The following ARNT2 variants were observed in gnomAD, a reference collection of about 807,000 sequenced individuals.
The protein encoded by ARNT2 is ARNT protein 2.
ARNT2 carries 36 observed loss-of-function variants against 91.7 expected under a neutral mutation model. The ratio of observed to expected loss-of-function variants is 0.39; its 90% confidence interval spans 0.30 to 0.52. The LOEUF (loss-of-function observed/expected upper bound fraction) is 0.52, where lower values mean the gene tolerates loss of function less well. Among genes scored for constraint, ARNT2 ranks in the 20% least tolerant of loss-of-function variants. The probability of loss-of-function intolerance (pLI) is 0.72; values close to 1 mark genes in which losing one functional copy is unlikely to be tolerated. For synonymous variants in ARNT2, 365 were observed against 347.1 expected (o/e 1.05, Z -0.57); for missense variants, 775 against 939.3 (o/e 0.83, Z 2.29).
intron 16 of ARNT2, among the ~76,000 whole-genome samples, chr15:80,580,890 C>A (rs1011901552): frequency 6.6e-6 from 1 of 152,116 alleles, no homozygotes; most frequent in Non-Finnish European, 1.5e-5. Context: ...ACCACCAACC[C>A]TTGTGACATC....
At chr15:80,519,956 C>G (rs1199916930) in intron 8 of ARNT2, among the ~76,000 whole-genome samples, 1 of 150,346 alleles carries the variant, frequency 6.7e-6, no homozygotes, top group Non-Finnish European at 1.5e-5. Flanking sequence ...CTTTGGCCTC[C>G]CAAAGTGCTG....
At chr15:80,551,395 C>T (rs749334776) in intron 9 of ARNT2, 120 bp downstream of exon 9, 23 of 931,708 alleles carry the variant, frequency 2.5e-5, no homozygotes, top group African/African-American at 4.9e-5. Flanking sequence ...TGTTGGGTTT[C>T]GTGTCTCACT....
At chr15:80,495,285 T>C (rs1897111159) in intron 5 of ARNT2, among the ~76,000 whole-genome samples, 1 of 152,176 alleles carries the variant, frequency 6.6e-6, no homozygotes, top group Non-Finnish European at 1.5e-5. Flanking sequence ...CAGTGAACAT[T>C]ATTGTTGCTG....
intron 1 of ARNT2, among the ~76,000 whole-genome samples, chr15:80,440,502 G>A (rs957318835): frequency 6.6e-6 from 1 of 152,148 alleles, no homozygotes; most frequent in Non-Finnish European, 1.5e-5. Flanking sequence ...TAGTGGGTTC[G>A]GACACTAGTG....
At chr15:80,463,342 G>T (rs1368560965) in intron 3 of ARNT2, among the ~76,000 whole-genome samples, 1 of 151,692 alleles carries the variant, frequency 6.6e-6, no homozygotes, top group Non-Finnish European at 1.5e-5. Context: ...GCCAAGAGGA[G>T]CCCTTCCAAA....
chr15:80,490,741 T>A (rs1897044533), intron 5 of ARNT2, among the ~76,000 whole-genome samples: 1 of 152,232 alleles, frequency 6.6e-6, no homozygotes, highest in African/African-American at 2.4e-5. Flanking sequence ...AAATTGCATA[T>A]CTTAGTTTAA....
chr15:80,574,977 G>A lies in ARNT2; in HGVS notation c.1390-10G>A, dbSNP rs2141476548. On this transcript the variant is annotated splice_polypyrimidine_tract_variant and intron_variant, in intron 13 of 18. Coordinates refer to ENST00000303329, the MANE Select transcript of ARNT2 (RefSeq NM_014862.4). ...GAGTTGCTGTTGTGTTTTATTTAAT[G>A]TGCAAATAGGTCCCCGTCCCCAACC... 1 of 1,613,534 alleles carries A rather than the reference G, an allele frequency of 6.2e-7. No homozygotes were observed. Among genetic ancestry groups the A allele is most frequent in the East Asian group, 2.2e-5 (1 of 44,850 alleles).
chr15:80,500,531 C>T (rs983198107), intron 5 of ARNT2, among the ~76,000 whole-genome samples: 1 of 152,076 alleles, frequency 6.6e-6, no homozygotes, highest in Non-Finnish European at 1.5e-5. Flanking sequence ...GTGCACAAAG[C>T]CTTCTTTTGT....
intron 1 of ARNT2, among the ~76,000 whole-genome samples, chr15:80,408,616 G>T (rs928598525): frequency 6.6e-6 from 1 of 152,166 alleles, no homozygotes; most frequent in African/African-American, 2.4e-5. Flanking sequence ...AGACGTGTGC[G>T]CTATGCTTGC....
At chr15:80,559,391 C>CATCCTG (rs1223050994) in intron 11 of ARNT2, among the ~76,000 whole-genome samples, 1 of 152,220 alleles carries the variant, frequency 6.6e-6, no homozygotes, top group Non-Finnish European at 1.5e-5. Context: ...GCCACAGGGA[C>CATCCTG]ATCCTGGAGC....
chr15:80,531,618 C>T (rs530372924), intron 8 of ARNT2, among the ~76,000 whole-genome samples: 1 of 152,346 alleles, frequency 6.6e-6, no homozygotes, highest in Non-Finnish European at 1.5e-5. Context: ...TTCTTTTCTC[C>T]GTTATAACAC....
intron 5 of ARNT2, among the ~76,000 whole-genome samples, chr15:80,478,487 G>A (rs1438224257): frequency 6.6e-6 from 1 of 152,248 alleles, no homozygotes; most frequent in Non-Finnish European, 1.5e-5. Flanking sequence ...CAGTACAGTG[G>A]AGGGTGTCCT....
At position 80,595,866 on chromosome 15, in the gene ARNT2, C is replaced by T. The variant is rs1281574641; in HGVS notation, c.*2168C>T. 2.6e-5 allele frequency: 4 copies of T among 152,210 alleles called. No individual in the cohort carries two copies. The highest frequency in any genetic ancestry group is 5.9e-5 in the Non-Finnish European group (4 of 68,040). 9.4% of individuals were successfully genotyped at this position (152,210 alleles called of 1,614,324 possible). A position where few individuals can be genotyped will look rare whatever the true frequency, so the allele number is the denominator to read the frequency against. On this transcript the variant is annotated 3_prime_UTR_variant, in exon 19 of 19. Transcript: ENST00000303329. ...CAGCAGGCTTGAGCTTGCCCCAGGC[C>T]TTGGGCATAATTATTTCCCCCCAAA...
At chr15:80,562,085 T>A (rs1053506433) in intron 11 of ARNT2, among the ~76,000 whole-genome samples, 8 of 151,484 alleles carry the variant, frequency 5.3e-5, no homozygotes, top group Non-Finnish European at 1.0e-4. Flanking sequence ...CCTTCTTTTT[T>A]TTTTTTTGAG....
intron 3 of ARNT2, among the ~76,000 whole-genome samples, chr15:80,463,244 C>A (rs1896587489): frequency 6.6e-6 from 1 of 152,160 alleles, no homozygotes; most frequent in Non-Finnish European, 1.5e-5. Context: ...TATCAGTTAC[C>A]ATGTGTGGGA....
chr15:80,452,934 A>C (rs947165782), intron 2 of ARNT2, among the ~76,000 whole-genome samples: 4 of 152,138 alleles, frequency 2.6e-5, no homozygotes, highest in African/African-American at 9.7e-5. Context: ...ACCCAGTCCC[A>C]TTTCTTTTTA....
At chr15:80,465,902 C>T (rs1196268619) in intron 3 of ARNT2, among the ~76,000 whole-genome samples, 1 of 152,116 alleles carries the variant, frequency 6.6e-6, no homozygotes, top group East Asian at 1.9e-4. Flanking sequence ...ACAAGGAAAC[C>T]ACACAGGGAT....
At chr15:80,562,640 T>C (rs562466850) in intron 11 of ARNT2, among the ~76,000 whole-genome samples, 1 of 152,224 alleles carries the variant, frequency 6.6e-6, no homozygotes, top group Non-Finnish European at 1.5e-5. Context: ...GTTAAGCATC[T>C]TGTATGTTGC....
intron 17 of ARNT2, among the ~76,000 whole-genome samples, chr15:80,590,097 T>C (rs1389600933): frequency 1.3e-5 from 2 of 152,158 alleles, no homozygotes; most frequent in African/African-American, 4.8e-5. Context: ...GAGATTCTTC[T>C]CCCTGAACAC....
Sources: allele counts gnomAD v4.1 joint callset (sites outside exome capture counted in the v4.1 genomes callset), GRCh38; gene constraint gnomAD v4.1.1; transcripts MANE v1.5; gene names NCBI Gene and HGNC (gene_info 2026-07-23, HGNC 2026-07-21).